The following EYS variants were observed in gnomAD, a reference collection of about 807,000 sequenced individuals.
EYS encodes the protein protein eyes shut homolog.
EYS carries 250 observed loss-of-function variants against 282.1 expected under a neutral mutation model. That is an observed-to-expected ratio of 0.89 (90% CI 0.80 to 0.98). The LOEUF is 0.98. Among genes scored for constraint, EYS ranks in the 50% least tolerant of loss-of-function variants. EYS has a pLI of 0.00. For missense variants in EYS, 4,016 were observed against 3,709.0 expected (o/e 1.08, Z -2.15); for synonymous variants, 1,355 against 1,282.9 (o/e 1.06, Z -1.20).
chr6:64,997,082 A>G (rs1583376637), intron 14 of EYS, among the ~76,000 whole-genome samples: 1 of 152,170 alleles, frequency 6.6e-6, no homozygotes, highest in Admixed American at 6.6e-5. Context: ...AGAATGGAAC[A>G]TGCTTGTGAC....
intron 28 of EYS, among the ~76,000 whole-genome samples, chr6:64,425,943 G>C (rs922991075): frequency 6.6e-6 from 1 of 151,992 alleles, no homozygotes; most frequent in Admixed American, 6.6e-5. Flanking sequence ...TTGTATTTTG[G>C]ATATGTTAAA....
chr6:65,687,183 T>C (rs928834132), intron 1 of EYS, among the ~76,000 whole-genome samples: 8 of 152,014 alleles, frequency 5.3e-5, no homozygotes, highest in African/African-American at 1.9e-4. Context: ...AAAATGCAAC[T>C]GAATAATTTA....
At chr6:64,116,997 AT>A (rs1196139585) in intron 31 of EYS, among the ~76,000 whole-genome samples, 1 of 152,104 alleles carries the variant, frequency 6.6e-6, no homozygotes, top group Non-Finnish European at 1.5e-5. Flanking sequence ...CACTTTCAGC[AT>A]TGGATAGGTT....
At chr6:64,601,846 A>C (rs1203887690) in intron 24 of EYS, among the ~76,000 whole-genome samples, 2 of 151,868 alleles carry the variant, frequency 1.3e-5, no homozygotes, top group Non-Finnish European at 2.9e-5. Context: ...TTTTGCCCCC[A>C]CCATAGTTAC....
At chr6:64,147,632 C>T (rs1774564899) in intron 31 of EYS, among the ~76,000 whole-genome samples, 1 of 152,146 alleles carries the variant, frequency 6.6e-6, no homozygotes, top group African/African-American at 2.4e-5. Flanking sequence ...ATCTGTCTCT[C>T]CTGTGATTTC....
intron 19 of EYS, among the ~76,000 whole-genome samples, chr6:64,845,228 T>C (rs1341031936): frequency 6.6e-6 from 1 of 151,984 alleles, no homozygotes; most frequent in Admixed American, 6.6e-5. Flanking sequence ...GAGGCAAAGG[T>C]TGTAATGAGC....
chr6:65,550,170 T>TGC (rs1768563180), intron 2 of EYS, among the ~76,000 whole-genome samples: 1 of 9,322 alleles, frequency 1.1e-4, no homozygotes, highest in East Asian at 8.1e-3. Context: ...TTTTTTTTTT[T>TGC]TTTTTTTTTT....
intron 16 of EYS, among the ~76,000 whole-genome samples, chr6:64,904,725 A>C (rs1475211): frequency 6.6e-6 from 1 of 151,948 alleles, no homozygotes; most frequent in African/African-American, 2.4e-5. Context: ...ATAAAGAAGC[A>C]CCAGTGAGCC....
intron 35 of EYS, among the ~76,000 whole-genome samples, chr6:63,952,999 A>G (rs1765664854): frequency 6.6e-6 from 1 of 152,212 alleles, no homozygotes; most frequent in Non-Finnish European, 1.5e-5. Flanking sequence ...GACAAGTCTT[A>G]CAGGTTAGTT....
chr6:64,750,356 T>C (rs1713072628), intron 22 of EYS, among the ~76,000 whole-genome samples: 1 of 149,952 alleles, frequency 6.7e-6, no homozygotes, highest in African/African-American at 2.5e-5. Flanking sequence ...TGAAAAAAGA[T>C]AAAACCATGG....
At chr6:65,280,561 A>C (rs1562069407) in intron 12 of EYS, among the ~76,000 whole-genome samples, 1 of 151,952 alleles carries the variant, frequency 6.6e-6, no homozygotes, top group Non-Finnish European at 1.5e-5. Flanking sequence ...TGTAGCTGTA[A>C]TTTTTTCTTA....
intron 5 of EYS, among the ~76,000 whole-genome samples, chr6:65,446,803 C>T (rs1768677077): frequency 6.7e-6 from 1 of 148,346 alleles, no homozygotes; most frequent in South Asian, 2.1e-4. Context: ...TATATTATTA[C>T]ATAAAAATTA....
At position 63,852,026 on chromosome 6, in the gene EYS, G is replaced by A. The variant is rs562610108; in HGVS notation, c.7228+12160C>T. ...CAAAAAATTAGCCAGGCGTAGTGGC[G>A]GGCACCTGTAGTCCCAGCTACTTGG... On this transcript the variant is annotated intron_variant, in intron 36 of 42. Coordinates refer to ENST00000503581, the MANE Select transcript of EYS (RefSeq NM_001142800.2). Among the ~76,000 whole-genome samples, 23 of 151,294 alleles carry A rather than the reference G, an allele frequency of 1.5e-4. 2 individuals carry two copies. The South Asian group carries it at 3.8e-3, about 25-fold the overall frequency.
At chr6:65,609,559 T>A (rs1765920973) in intron 2 of EYS, among the ~76,000 whole-genome samples, 1 of 152,078 alleles carries the variant, frequency 6.6e-6, no homozygotes, top group African/African-American at 2.4e-5. Flanking sequence ...TATCACTTTT[T>A]ATTTCCTTTA....
chr6:65,282,732 A>G (rs189222550), intron 12 of EYS, among the ~76,000 whole-genome samples: 1 of 152,114 alleles, frequency 6.6e-6, no homozygotes, highest in Admixed American at 6.5e-5. Context: ...TTCCATAAAG[A>G]CATGTGCACA....
At chr6:64,189,741 GT>G (rs1181058291) in intron 31 of EYS, among the ~76,000 whole-genome samples, 1 of 152,106 alleles carries the variant, frequency 6.6e-6, no homozygotes, top group Non-Finnish European at 1.5e-5. Flanking sequence ...AACTACCTGA[GT>G]TTCTGGCCTG....
intron 34 of EYS, among the ~76,000 whole-genome samples, chr6:63,988,049 G>A (rs2149794515): frequency 6.6e-6 from 1 of 151,638 alleles, no homozygotes; most frequent in East Asian, 1.9e-4. Flanking sequence ...GTCCCAGAGG[G>A]TGATTATCTT....
chr6:65,370,875 A>G (rs1402828296), intron 8 of EYS, among the ~76,000 whole-genome samples: 1 of 151,972 alleles, frequency 6.6e-6, no homozygotes, highest in African/African-American at 2.4e-5. Flanking sequence ...AGTACCATAT[A>G]AAGAAACAAA....
At position 64,044,474 on chromosome 6, in the gene EYS, G is replaced by GT. The variant is rs554985870; in HGVS notation, c.6725+21863dup. On this transcript the variant is annotated intron_variant, in intron 33 of 42. Coordinates refer to ENST00000503581, the MANE Select transcript of EYS (RefSeq NM_001142800.2). ...AGCCGGGGAGCACTTCAGGTGGAAC[G>GT]TAAGTTCACTTATGAGGTAAAGCAC... 3.6e-4 allele frequency among the ~76,000 whole-genome samples: 55 copies of GT among 152,306 alleles called. 1 individual carries two copies. The South Asian group carries it at 0.011, about 31-fold the overall frequency.
Sources: allele counts gnomAD v4.1 joint callset (sites outside exome capture counted in the v4.1 genomes callset), GRCh38; gene constraint gnomAD v4.1.1; transcripts MANE v1.5; gene names NCBI Gene and HGNC (gene_info 2026-07-23, HGNC 2026-07-21).